ENTREP2: variants seen among roughly 807,000 people sequenced by gnomAD.
ENTREP2 encodes endosomal transmembrane epsin interactor 2, also known as protein ENTREP2.
chr15:29,503,276 T>C, the ENTREP2 span, among the ~76,000 whole-genome samples: 2 of 152,180 alleles, frequency 1.3e-5, no homozygotes, highest in African/African-American at 2.4e-5. Context: ...GGAAGTGCTA[T>C]TGCATGCTAT....
the ENTREP2 span, among the ~76,000 whole-genome samples, chr15:29,132,195 G>A: frequency 6.6e-6 from 1 of 152,220 alleles, no homozygotes; most frequent in Non-Finnish European, 1.5e-5. Flanking sequence ...CCTCGCCCGG[G>A]CTGCGGGGTC....
At chr15:29,674,458 C>T in the ENTREP2 span, among the ~76,000 whole-genome samples, 3 of 151,972 alleles carry the variant, frequency 2.0e-5, no homozygotes, top group African/African-American at 4.8e-5. Context: ...TTAGTTGAGA[C>T]GGGGTTTCAC....
At chr15:29,473,811 G>A in the ENTREP2 span, among the ~76,000 whole-genome samples, 16,692 of 152,164 alleles carry the variant, frequency 0.11, 1,202 homozygotes, top group African/African-American at 0.21. Flanking sequence ...CCGCAGCCAC[G>A]GCCCCATCTC....
the ENTREP2 span, among the ~76,000 whole-genome samples, chr15:29,406,392 CA>C: frequency 6.6e-6 from 1 of 151,940 alleles, no homozygotes; most frequent in African/African-American, 2.4e-5. Context: ...ACTAAAAATA[CA>C]AAAAATTAGT....
At chr15:29,225,028 G>T in the ENTREP2 span, among the ~76,000 whole-genome samples, 1 of 152,228 alleles carries the variant, frequency 6.6e-6, no homozygotes, top group East Asian at 1.9e-4. Context: ...CGGCGGGCTG[G>T]CCGGCCGCTC....
chr15:29,487,775 C>T, the ENTREP2 span, among the ~76,000 whole-genome samples: 1 of 152,224 alleles, frequency 6.6e-6, no homozygotes, highest in East Asian at 1.9e-4. Flanking sequence ...TCACTGCAAC[C>T]TCCACCTCCT....
At chr15:29,519,012 C>T in the ENTREP2 span, among the ~76,000 whole-genome samples, 1 of 152,320 alleles carries the variant, frequency 6.6e-6, no homozygotes, top group East Asian at 1.9e-4. Context: ...ACTTCAGAGA[C>T]TGCCTGAAAT....
the ENTREP2 span, among the ~76,000 whole-genome samples, chr15:29,280,235 C>T: frequency 6.6e-6 from 1 of 152,220 alleles, no homozygotes; most frequent in Non-Finnish European, 1.5e-5. Context: ...GACAACTCCA[C>T]TAGGACAGGC....
At chr15:29,146,129 C>T in the ENTREP2 span, among the ~76,000 whole-genome samples, 4 of 152,000 alleles carry the variant, frequency 2.6e-5, no homozygotes, top group East Asian at 1.9e-4. Flanking sequence ...CACTGAAAAC[C>T]GTGAATATAA....
chr15:29,189,369 C>T, the ENTREP2 span, among the ~76,000 whole-genome samples: 1 of 150,918 alleles, frequency 6.6e-6, no homozygotes, highest in Non-Finnish European at 1.5e-5. Flanking sequence ...TCAGAAGTCT[C>T]GTGCTGAGTG....
At chr15:29,294,501 GT>G in the ENTREP2 span, among the ~76,000 whole-genome samples, 1 of 152,178 alleles carries the variant, frequency 6.6e-6, no homozygotes, top group Non-Finnish European at 1.5e-5. Context: ...AGGCAAACGT[GT>G]CTCTTTTGCT....
At chr15:29,270,352 C>A in the ENTREP2 span, among the ~76,000 whole-genome samples, 3 of 152,334 alleles carry the variant, frequency 2.0e-5, no homozygotes. Flanking sequence ...AGCAGGACTT[C>A]AGTTTCACTA....
At chr15:29,488,112 A>G in the ENTREP2 span, among the ~76,000 whole-genome samples, 1 of 152,246 alleles carries the variant, frequency 6.6e-6, no homozygotes, top group South Asian at 2.1e-4. Context: ...CTTACTAAAG[A>G]CTTTAAATCA....
the ENTREP2 span, among the ~76,000 whole-genome samples, chr15:29,141,942 T>C: frequency 6.6e-6 from 1 of 152,136 alleles, no homozygotes; most frequent in East Asian, 1.9e-4. Context: ...GTGAGGCCTG[T>C]GTTCATTATG....
chr15:29,496,904 C>T, the ENTREP2 span, among the ~76,000 whole-genome samples: 3 of 152,058 alleles, frequency 2.0e-5, no homozygotes, highest in Non-Finnish European at 4.4e-5. Context: ...CAGGGTAATG[C>T]TAGCCTCATA....
the ENTREP2 span, among the ~76,000 whole-genome samples, chr15:29,145,491 C>T: frequency 2.6e-5 from 4 of 151,754 alleles, no homozygotes; most frequent in East Asian, 5.8e-4. Context: ...GGTGTGGTGG[C>T]GGGCGCCTGT....
the ENTREP2 span, among the ~76,000 whole-genome samples, chr15:29,221,701 C>T: frequency 6.6e-6 from 1 of 152,198 alleles, no homozygotes; most frequent in Non-Finnish European, 1.5e-5. Context: ...TTAGGCCCGA[C>T]TCAGAAATTT....
the ENTREP2 span, among the ~76,000 whole-genome samples, chr15:29,386,129 G>A: frequency 2.6e-5 from 4 of 152,138 alleles, no homozygotes; most frequent in African/African-American, 9.7e-5. Context: ...CCAAGCCCAT[G>A]TGTGATCTGA....
chr15:29,459,212 T>C, the ENTREP2 span, among the ~76,000 whole-genome samples: 23 of 152,146 alleles, frequency 1.5e-4, no homozygotes, highest in Non-Finnish European at 4.4e-5. Flanking sequence ...TCAGTCCTGG[T>C]CCTTCTGAGC....
Sources: gnomAD v4.1 joint callset for allele counts (sites outside exome capture counted in the v4.1 genomes callset) on GRCh38, gnomAD v4.1.1 for gene constraint, MANE v1.5 for transcripts, NCBI Gene and HGNC (gene_info 2026-07-23, HGNC 2026-07-21) for gene names.